Variants in DPP6 observed in about 807,000 individuals in gnomAD.
The protein encoded by DPP6 is dipeptidyl peptidase like 6.
Under a neutral mutation model 122.6 loss-of-function variants are expected in DPP6, and 69 were observed. The observed-to-expected ratio is 0.56, with a 90% CI of 0.46 to 0.69. DPP6 has a LOEUF of 0.69. Ranked by LOEUF, DPP6 falls within the 30% of genes least tolerant of loss-of-function variation. The pLI is 0.00. For synonymous variants in DPP6, 418 were observed against 433.1 expected, an observed-to-expected ratio of 0.97 and a Z score of 0.43; for missense variants, 928 against 1,116.9, an observed-to-expected ratio of 0.83 and a Z score of 2.41.
chr7:154,196,190 A>C (rs1798857023), intron 1 of DPP6, among the ~76,000 whole-genome samples: 1 of 152,134 alleles, frequency 6.6e-6, no homozygotes, highest in Non-Finnish European at 1.5e-5. Context: ...TCTTGCTTGG[A>C]GTAAGAACTT....
chr7:154,766,703 T>C (rs1158557517), intron 8 of DPP6, among the ~76,000 whole-genome samples: 1 of 152,258 alleles, frequency 6.6e-6, no homozygotes, highest in African/African-American at 2.4e-5. Flanking sequence ...TGGCATTTGC[T>C]GATAAGATCG....
At chr7:153,831,753 G>A in the DPP6 span, among the ~76,000 whole-genome samples, 14 of 152,080 alleles carry the variant, frequency 9.2e-5, no homozygotes, top group Admixed American at 2.0e-4. Context: ...GCTGTATAAC[G>A]CAGGCAGTGG....
chr7:153,766,656 A>G, the DPP6 span, among the ~76,000 whole-genome samples: 3 of 152,164 alleles, frequency 2.0e-5, no homozygotes, highest in Non-Finnish European at 2.9e-5. Flanking sequence ...TTTACTTACT[A>G]AAATTCAAAA....
At chr7:154,683,765 A>C (rs1277758210) in intron 7 of DPP6, among the ~76,000 whole-genome samples, 2 of 152,200 alleles carry the variant, frequency 1.3e-5, no homozygotes, top group Non-Finnish European at 2.9e-5. Flanking sequence ...CCCAGGCTGG[A>C]GACCAGCCAT....
At chr7:154,587,344 C>A in intron 5 of DPP6, 1 of 426,054 alleles carries the variant, frequency 2.3e-6, no homozygotes, top group Non-Finnish European at 4.2e-6. Flanking sequence ...TTATTCCTCC[C>A]CCCAACCATT....
chr7:153,920,549 TC>T (rs1800583585), intron 1 of DPP6, among the ~76,000 whole-genome samples: 1 of 136,324 alleles, frequency 7.3e-6, no homozygotes, highest in South Asian at 2.6e-4. Flanking sequence ...TCAACCTTTT[TC>T]TTTTATCTCT....
chr7:154,776,607 T>C (rs1796588803), intron 10 of DPP6, among the ~76,000 whole-genome samples: 1 of 152,180 alleles, frequency 6.6e-6, no homozygotes, highest in Non-Finnish European at 1.5e-5. Flanking sequence ...TGGCTCCAGT[T>C]CTGCAGCAGG....
intron 1 of DPP6, among the ~76,000 whole-genome samples, chr7:153,904,149 T>G (rs1221898746): frequency 6.6e-6 from 1 of 152,154 alleles, no homozygotes; most frequent in Non-Finnish European, 1.5e-5. Context: ...CCTCCCAAGC[T>G]CAAGCAATTC....
At chr7:154,677,996 A>G (rs1451007614) in intron 7 of DPP6, among the ~76,000 whole-genome samples, 2 of 152,218 alleles carry the variant, frequency 1.3e-5, no homozygotes, top group Admixed American at 6.5e-5. Context: ...TTGTAAACGC[A>G]GGGATCAGCA....
chr7:154,278,689 A>G (rs1285719247), intron 1 of DPP6, among the ~76,000 whole-genome samples: 1 of 152,216 alleles, frequency 6.6e-6, no homozygotes, highest in African/African-American at 2.4e-5. Context: ...GTTGTAGTGG[A>G]AAACATTTTG....
chr7:154,793,562 A>T (rs960890961), intron 10 of DPP6: 1 of 152,324 alleles, frequency 6.6e-6, no homozygotes, highest in Admixed American at 6.5e-5. Flanking sequence ...TGGGTATTTT[A>T]TCTTTAAGGA....
chr7:154,530,162 A>T (rs1827729532), intron 3 of DPP6, among the ~76,000 whole-genome samples: 1 of 152,058 alleles, frequency 6.6e-6, no homozygotes, highest in Admixed American at 6.6e-5. Context: ...AAAAGAAGGA[A>T]ATTATTCAAA....
the DPP6 span, among the ~76,000 whole-genome samples, chr7:153,784,623 T>A: frequency 6.6e-6 from 1 of 152,172 alleles, no homozygotes; most frequent in Non-Finnish European, 1.5e-5. Flanking sequence ...AGAGTTAAAT[T>A]GCAGTGAAGC....
chr7:154,461,216 A>C (rs778117107), intron 2 of DPP6, among the ~76,000 whole-genome samples: 2 of 152,144 alleles, frequency 1.3e-5, no homozygotes, highest in Non-Finnish European at 2.9e-5. Context: ...TTTGTGGCTG[A>C]ATAGTACTCC....
chr7:153,866,426 T>G, the DPP6 span, among the ~76,000 whole-genome samples: 1 of 152,222 alleles, frequency 6.6e-6, no homozygotes, highest in African/African-American at 2.4e-5. Flanking sequence ...TTTTTTCATG[T>G]GTTTTTTGTC....
intron 1 of DPP6, among the ~76,000 whole-genome samples, chr7:153,960,842 C>A (rs2129028112): frequency 6.6e-6 from 1 of 151,012 alleles, no homozygotes; most frequent in African/African-American, 2.4e-5. Context: ...TGCCTGAGGA[C>A]ATGAGTACCT....
chr7:154,834,841 C>T (rs1800922642), intron 16 of DPP6, among the ~76,000 whole-genome samples: 2 of 152,202 alleles, frequency 1.3e-5, no homozygotes, highest in African/African-American at 4.8e-5. Flanking sequence ...CAGTTGTCTA[C>T]GGTCTGAGAA....
intron 17 of DPP6, among the ~76,000 whole-genome samples, chr7:154,861,789 G>A (rs189276174): frequency 2.6e-5 from 4 of 152,210 alleles, no homozygotes; most frequent in Admixed American, 2.6e-4. Flanking sequence ...TTCCAGAGAA[G>A]ACCTTGTCAG....
At chr7:154,462,724 T>C (rs1322647063) in intron 2 of DPP6, among the ~76,000 whole-genome samples, 4 of 152,124 alleles carry the variant, frequency 2.6e-5, no homozygotes, top group Non-Finnish European at 5.9e-5. Flanking sequence ...TATGTATACA[T>C]GTGCCATGCT....
Sources: allele counts gnomAD v4.1 joint callset (sites outside exome capture counted in the v4.1 genomes callset), GRCh38; gene constraint gnomAD v4.1.1; transcripts MANE v1.5; gene names NCBI Gene and HGNC (gene_info 2026-07-23, HGNC 2026-07-21).